Variants in ZMAT4 observed in about 807,000 individuals in gnomAD.
The protein encoded by ZMAT4 is zinc finger matrin-type 4.
A neutral mutation model predicts 28.7 loss-of-function variants in ZMAT4; 17 were observed. The ratio of observed to expected loss-of-function variants is 0.59; its 90% CI spans 0.41 to 0.89. The LOEUF is 0.89. ZMAT4 is among the 40% of genes least tolerant of loss of function. The pLI, the probability that ZMAT4 is intolerant of heterozygous loss-of-function variation, is 0.00. For synonymous variants in ZMAT4, 117 were observed against 109.2 expected (o/e 1.07, Z -0.44); for missense variants, 240 against 283.8 (o/e 0.85, Z 1.11).
At chr8:40,534,240 T>G (rs1327766695) in intron 6 of ZMAT4, among the ~76,000 whole-genome samples, 1 of 152,212 alleles carries the variant, frequency 6.6e-6, no homozygotes, top group East Asian at 1.9e-4. Flanking sequence ...CAGTTCCCTA[T>G]AGCTTTTGTA....
chr8:40,813,021 A>T (rs1362429011), intron 2 of ZMAT4, among the ~76,000 whole-genome samples: 1 of 151,266 alleles, frequency 6.6e-6, no homozygotes, highest in Non-Finnish European at 1.5e-5. Context: ...TATAATAGTA[A>T]TAATGTATTA....
chr8:40,538,174 C>T (rs967886862), intron 6 of ZMAT4, among the ~76,000 whole-genome samples: 38 of 152,116 alleles, frequency 2.5e-4, no homozygotes, highest in Admixed American at 2.3e-3. Flanking sequence ...CCTATTTTCT[C>T]GGGAGCCTAC....
intron 3 of ZMAT4, among the ~76,000 whole-genome samples, chr8:40,756,926 AAGCACTGTCACTC>A (rs1000190560): frequency 1.1e-4 from 17 of 152,178 alleles, no homozygotes; most frequent in East Asian, 5.8e-4. Context: ...ACTCAGCCTG[AAGCACTGTCACTC>A]AGCACTGTCA....
chr8:40,677,029 G>T (rs1016489520), intron 4 of ZMAT4, among the ~76,000 whole-genome samples: 1 of 152,098 alleles, frequency 6.6e-6, no homozygotes, highest in African/African-American at 2.4e-5. Flanking sequence ...TGTTTTTGAT[G>T]GCAATGGAAA....
chr8:40,601,278 G>A (rs2118613408), intron 5 of ZMAT4, among the ~76,000 whole-genome samples: 1 of 151,630 alleles, frequency 6.6e-6, no homozygotes, highest in African/African-American at 2.4e-5. Flanking sequence ...AGAAACTGCA[G>A]TCCAGGGTAC....
intron 5 of ZMAT4, among the ~76,000 whole-genome samples, chr8:40,660,083 G>A (rs1266342889): frequency 1.3e-5 from 2 of 152,182 alleles, no homozygotes; most frequent in African/African-American, 2.4e-5. Flanking sequence ...AGCTATTTCA[G>A]TAAACATATT....
At chr8:40,720,450 C>A (rs1811032249) in intron 3 of ZMAT4, among the ~76,000 whole-genome samples, 1 of 151,882 alleles carries the variant, frequency 6.6e-6, no homozygotes, top group African/African-American at 2.4e-5. Context: ...CAGGACAAGG[C>A]AGACAGGAAG....
At chr8:40,832,366 C>G (rs979683287) in intron 1 of ZMAT4, among the ~76,000 whole-genome samples, 8 of 152,178 alleles carry the variant, frequency 5.3e-5, no homozygotes, top group Admixed American at 2.6e-4. Flanking sequence ...CTGCTTCTGC[C>G]TGCACAACCA....
chr8:40,831,431 G>T (rs1816276291), intron 1 of ZMAT4, among the ~76,000 whole-genome samples: 1 of 152,130 alleles, frequency 6.6e-6, no homozygotes, highest in Non-Finnish European at 1.5e-5. Flanking sequence ...TATGGCAGAG[G>T]GCCAGGGACT....
intron 1 of ZMAT4, among the ~76,000 whole-genome samples, chr8:40,830,970 A>G (rs1474252691): frequency 6.6e-6 from 1 of 152,232 alleles, no homozygotes; most frequent in Admixed American, 6.5e-5. Context: ...GTGGCATAGC[A>G]GAGACACGCA....
chr8:40,774,014 C>T (rs1380614636), intron 2 of ZMAT4, among the ~76,000 whole-genome samples: 2 of 151,908 alleles, frequency 1.3e-5, no homozygotes, highest in African/African-American at 4.8e-5. Context: ...TATATTTAAC[C>T]TTGTGATGGG....
chr8:40,756,425 T>TA (rs1321872203), intron 3 of ZMAT4, among the ~76,000 whole-genome samples: 76 of 81,106 alleles, frequency 9.4e-4, no homozygotes, highest in African/African-American at 2.2e-3. Flanking sequence ...GAAATGTTCT[T>TA]TTATATATAT....
intron 2 of ZMAT4, among the ~76,000 whole-genome samples, chr8:40,819,671 C>G (rs1462285594): frequency 6.6e-6 from 1 of 152,036 alleles, no homozygotes; most frequent in Non-Finnish European, 1.5e-5. Context: ...ACATGTGGCA[C>G]AGCAACACAA....
chr8:40,824,212 A>G (rs975136510), intron 2 of ZMAT4, among the ~76,000 whole-genome samples: 2 of 152,230 alleles, frequency 1.3e-5, no homozygotes, highest in Non-Finnish European at 2.9e-5. Flanking sequence ...AAGCCTTCCA[A>G]TATAAAATTA....
chr8:40,650,035 C>G (rs1469736336), intron 5 of ZMAT4, among the ~76,000 whole-genome samples: 1 of 151,836 alleles, frequency 6.6e-6, no homozygotes, highest in Non-Finnish European at 1.5e-5. Flanking sequence ...CAAAAGCAAA[C>G]ACGTTCAAAA....
intron 2 of ZMAT4, among the ~76,000 whole-genome samples, chr8:40,805,110 C>T (rs1815023665): frequency 6.6e-6 from 1 of 151,894 alleles, no homozygotes; most frequent in African/African-American, 2.4e-5. Context: ...AAGAAAAAAA[C>T]AAACAACCCC....
rs568739921 is a variant in ZMAT4, at chr8:40,742,140, C to T, written c.192+25501G>A. On this transcript the variant is annotated intron_variant, in intron 3 of 6. Coordinates refer to ENST00000297737, the MANE Select transcript of ZMAT4 (RefSeq NM_024645.3). ...GGGTGTGGTTGCACCTGACTGTAGT[C>T]CCCAGCTACTCAAGAGGCTAAGGTG... 5.3e-5 allele frequency among the ~76,000 whole-genome samples: 8 copies of T among 151,450 alleles called. No homozygotes were observed. In the South Asian group the frequency reaches 1.7e-3, roughly 32 times the overall value.
chr8:40,879,472 G>A (rs1818147201), intron 1 of ZMAT4, among the ~76,000 whole-genome samples: 1 of 152,074 alleles, frequency 6.6e-6, no homozygotes, highest in Admixed American at 6.6e-5. Flanking sequence ...CAAAACATTT[G>A]TTATTTCCAT....
At chr8:40,552,283 C>T (rs566401652) in intron 6 of ZMAT4, among the ~76,000 whole-genome samples, 1 of 152,240 alleles carries the variant, frequency 6.6e-6, no homozygotes, top group African/African-American at 2.4e-5. Context: ...AATCAAGCTG[C>T]TACTATTGCT....
Sources: gnomAD v4.1 joint callset for allele counts (sites outside exome capture counted in the v4.1 genomes callset) on GRCh38, gnomAD v4.1.1 for gene constraint, MANE v1.5 for transcripts, NCBI Gene and HGNC (gene_info 2026-07-23, HGNC 2026-07-21) for gene names.